DENND5B: variants seen among roughly 807,000 people sequenced by gnomAD.
DENND5B encodes the protein DENN domain-containing protein 5B.
DENND5B carries 34 observed loss-of-function variants against 140.6 expected under a neutral mutation model. The ratio of observed to expected loss-of-function variants is 0.24; its 90% CI spans 0.18 to 0.32. DENND5B has a LOEUF of 0.32. Ranked by LOEUF, DENND5B falls within the 10% of genes least tolerant of loss-of-function variation. The probability of loss-of-function intolerance (pLI) is 1.00; values close to 1 mark genes in which losing one functional copy is unlikely to be tolerated. For missense variants in DENND5B, 1,142 were observed against 1,560.2 expected (o/e 0.73, Z 4.52); for synonymous variants, 551 against 562.1 (o/e 0.98, Z 0.28).
In DENND5B at chr12:31,552,832, T is replaced by C. The variant is rs144156371; in HGVS notation, c.127+37874A>G. ...TGTCAAGGAATTTATCCGTTTCTTC[T>C]AGATTTTCTAGTTTATTTGCGTAGA... On this transcript the variant is annotated intron_variant, in intron 1 of 20. Coordinates refer to ENST00000389082, the MANE Select transcript of DENND5B (RefSeq NM_144973.4). Among the ~76,000 whole-genome samples the C allele has an allele frequency of 3.5e-3, 534 of 152,362 alleles. 7 individuals carry two copies. The highest frequency in any genetic ancestry group is 0.012 in the African/African-American group (502 of 41,592).
rs377724840 is a variant in DENND5B at position 31,567,429 on chromosome 12, T to C, written c.127+23277A>G. Among the ~76,000 whole-genome samples the C allele has an allele frequency of 4.0e-3, 613 of 151,780 alleles. 2 individuals carry two copies. The highest frequency in any genetic ancestry group is 6.5e-3 in the Non-Finnish European group (439 of 67,958). The stretch of plus-strand genomic sequence containing the variant: ...TACTATTCTAATTCAGAATGTTGCC[T>C]TCTAATTTGTCTTACAGAACAGCCT... On this transcript the variant is annotated intron_variant, in intron 1 of 20. Transcript: ENST00000389082.
chr12:31,585,192 A>C (rs1950356821), intron 1 of DENND5B, among the ~76,000 whole-genome samples: 1 of 152,178 alleles, frequency 6.6e-6, no homozygotes, highest in South Asian at 2.1e-4. Flanking sequence ...GTTTGGGGAC[A>C]AAGAGCCAAA....
chr12:31,476,218 A>G (rs191768121), intron 3 of DENND5B, among the ~76,000 whole-genome samples: 4 of 151,558 alleles, frequency 2.6e-5, no homozygotes, highest in African/African-American at 9.7e-5. Context: ...AGCATGGTAT[A>G]CAATATAAAA....
intron 1 of DENND5B, 113 bp downstream of exon 1, chr12:31,590,593 G>C (rs1435564774): frequency 1.6e-6 from 2 of 1,220,188 alleles, no homozygotes; most frequent in Non-Finnish European, 2.1e-6. Flanking sequence ...AGCGGCGGGA[G>C]GGCGCCACCG....
intron 2 of DENND5B, among the ~76,000 whole-genome samples, chr12:31,482,088 G>A (rs768063145): frequency 6.6e-6 from 1 of 152,196 alleles, no homozygotes; most frequent in Non-Finnish European, 1.5e-5. Flanking sequence ...CATTAAGCAT[G>A]AAGGCGGGTG....
chr12:31,427,219 T>A (rs1338425813), intron 8 of DENND5B, among the ~76,000 whole-genome samples: 4 of 152,142 alleles, frequency 2.6e-5, no homozygotes, highest in African/African-American at 9.7e-5. Context: ...CAAATGCTCT[T>A]GAGCTTTGGT....
intron 1 of DENND5B, among the ~76,000 whole-genome samples, chr12:31,574,484 A>C (rs1480650551): frequency 6.6e-6 from 1 of 151,202 alleles, no homozygotes; most frequent in African/African-American, 2.4e-5. Flanking sequence ...CAGCTACTCG[A>C]GAGGCTGAGG....
chr12:31,529,800 G>C (rs1948220442), intron 1 of DENND5B, among the ~76,000 whole-genome samples: 1 of 151,220 alleles, frequency 6.6e-6, no homozygotes, highest in Non-Finnish European at 1.5e-5. Flanking sequence ...TTTTTATTAA[G>C]AATCTCTTAC....
chr12:31,490,927 C>G (rs1187470971), intron 2 of DENND5B, among the ~76,000 whole-genome samples: 1 of 152,034 alleles, frequency 6.6e-6, no homozygotes, highest in African/African-American at 2.4e-5. Flanking sequence ...TCTTTTGTTA[C>G]CTAAAATATA....
chr12:31,397,948 T>A (rs1565539867), intron 17 of DENND5B, among the ~76,000 whole-genome samples: 1 of 152,040 alleles, frequency 6.6e-6, no homozygotes, highest in Non-Finnish European at 1.5e-5. Flanking sequence ...TCAGGTAAAA[T>A]ATTTACTCAT....
At chr12:31,427,278 T>C (rs1385988071) in intron 8 of DENND5B, among the ~76,000 whole-genome samples, 1 of 152,106 alleles carries the variant, frequency 6.6e-6, no homozygotes, top group African/African-American at 2.4e-5. Flanking sequence ...GTGCAAGACA[T>C]GTGCTCTCTC....
intron 1 of DENND5B, among the ~76,000 whole-genome samples, chr12:31,574,267 A>AAATAATAATAAT (rs60548839): frequency 0.15 from 13,628 of 89,564 alleles, 850 homozygotes; most frequent in East Asian, 0.36. Context: ...TGTCTCTAAA[A>AAATAATAATAAT]AATAATAATA....
chr12:31,567,240 C>T (rs1013014271), intron 1 of DENND5B, among the ~76,000 whole-genome samples: 2 of 151,840 alleles, frequency 1.3e-5, no homozygotes, highest in African/African-American at 4.8e-5. Flanking sequence ...ATCACCTGAG[C>T]CCAGGAGATG....
intron 1 of DENND5B, among the ~76,000 whole-genome samples, chr12:31,561,569 T>C (rs550468579): frequency 2.3e-3 from 353 of 152,284 alleles, no homozygotes; most frequent in African/African-American, 8.1e-3. Context: ...AATATATATA[T>C]ACATATTTTG....
At chr12:31,490,160 G>A (rs1219545561) in intron 2 of DENND5B, among the ~76,000 whole-genome samples, 1 of 149,988 alleles carries the variant, frequency 6.7e-6, no homozygotes, top group African/African-American at 2.5e-5. Flanking sequence ...CTGGTGGGAC[G>A]AATAATGAAT....
At chr12:31,448,716 G>A (rs962970378) in intron 5 of DENND5B, among the ~76,000 whole-genome samples, 3 of 152,106 alleles carry the variant, frequency 2.0e-5, no homozygotes, top group South Asian at 2.1e-4. Context: ...AACTAAAAAA[G>A]GCACTGCCTG....
At chr12:31,421,884 A>G (rs1385061627) in intron 11 of DENND5B, among the ~76,000 whole-genome samples, 2 of 152,164 alleles carry the variant, frequency 1.3e-5, no homozygotes, top group African/African-American at 4.8e-5. Flanking sequence ...AAAAACTGGC[A>G]GAGAAGATGG....
chr12:31,517,581 A>G (rs182146588), intron 1 of DENND5B, among the ~76,000 whole-genome samples: 1 of 152,370 alleles, frequency 6.6e-6, no homozygotes, highest in East Asian at 1.9e-4. Flanking sequence ...CTGTAGCCTT[A>G]GTTTTACTAA....
At position 31,428,375 on chromosome 12, in the gene DENND5B, T is replaced by G. The variant is rs970389364; in HGVS notation, c.2107-1951A>C. On this transcript the variant is annotated intron_variant, in intron 8 of 20. Coordinates refer to ENST00000389082, the MANE Select transcript of DENND5B (RefSeq NM_144973.4). ...AAAAAATGTTTGCAGCAGAAAGAAG[T>G]ATACATAAATGTTATGAGAACTGCA... 6.6e-5 allele frequency among the ~76,000 whole-genome samples: 10 copies of G among 151,976 alleles called. 1 individual carries two copies. In the South Asian group the frequency reaches 1.7e-3, roughly 25 times the overall value.
Sources: allele counts gnomAD v4.1 joint callset (sites outside exome capture counted in the v4.1 genomes callset), GRCh38; gene constraint gnomAD v4.1.1; transcripts MANE v1.5; gene names NCBI Gene and HGNC (gene_info 2026-07-23, HGNC 2026-07-21).